The following PTPRN2 variants were observed in gnomAD, a reference collection of about 807,000 sequenced individuals.
PTPRN2 encodes receptor-type tyrosine-protein phosphatase N2.
Under a neutral mutation model 118.8 loss-of-function variants are expected in PTPRN2, and 74 were observed. That is an observed-to-expected ratio of 0.62 (90% CI 0.52 to 0.76). The LOEUF (loss-of-function observed/expected upper bound fraction) is 0.76. Ranked by LOEUF, PTPRN2 falls within the 30% of genes least tolerant of loss-of-function variation. The pLI, the probability that PTPRN2 is intolerant of heterozygous loss-of-function variation, is 0.00. For missense variants in PTPRN2, 1,481 were observed against 1,394.4 expected (o/e 1.06, Z -0.99); for synonymous variants, 641 against 608.0 (o/e 1.05, Z -0.80).
chr7:157,905,103 G>A (rs1226923789), intron 11 of PTPRN2, among the ~76,000 whole-genome samples: 1 of 152,200 alleles, frequency 6.6e-6, no homozygotes, highest in Non-Finnish European at 1.5e-5. Flanking sequence ...GCACTGGGGA[G>A]CCCGCCGTCC....
At chr7:157,642,005 C>A (rs983862128) in intron 14 of PTPRN2, among the ~76,000 whole-genome samples, 2 of 152,174 alleles carry the variant, frequency 1.3e-5, no homozygotes, top group African/African-American at 4.8e-5. Flanking sequence ...CTGCATGCCA[C>A]CTGCCCAACA....
chr7:158,430,754 A>T (rs919583748), intron 2 of PTPRN2, among the ~76,000 whole-genome samples: 1 of 152,220 alleles, frequency 6.6e-6, no homozygotes, highest in African/African-American at 2.4e-5. Context: ...CAGCACAGAC[A>T]CAACTCCCAT....
intron 3 of PTPRN2, among the ~76,000 whole-genome samples, chr7:158,271,113 G>C (rs963162763): frequency 1.4e-5 from 2 of 147,920 alleles, no homozygotes; most frequent in African/African-American, 5.0e-5. Flanking sequence ...CCTCCACCTG[G>C]ACCACCCCCT....
At chr7:158,155,698 T>C (rs1473709083) in intron 6 of PTPRN2, among the ~76,000 whole-genome samples, 1 of 131,606 alleles carries the variant, frequency 7.6e-6, no homozygotes, top group South Asian at 2.5e-4. Context: ...CCATCAGCAC[T>C]ATCATCACCG....
chr7:158,024,619 C>CAGG (rs563531348), intron 11 of PTPRN2, among the ~76,000 whole-genome samples: 1 of 152,312 alleles, frequency 6.6e-6, no homozygotes, highest in South Asian at 2.1e-4. Flanking sequence ...AGACGACCAC[C>CAGG]AGGATGTGGC....
At position 158,199,320 on chromosome 7, in the gene PTPRN2, G is replaced by A. The variant is rs144596165; in HGVS notation, c.380+5851C>T. ...AGGTGCGAGCTCTGTTCCTCACACT[G>A]GGCACTCATACCTACTGCTTTGCTG... On this transcript the variant is annotated intron_variant, in intron 4 of 22. Transcript: ENST00000389418. Among the ~76,000 whole-genome samples the A allele has an allele frequency of 4.2e-3, 645 of 152,212 alleles. 4 individuals carry two copies. Among genetic ancestry groups the A allele is most frequent in the African/African-American group, 0.015 (619 of 41,538 alleles).
rs1796919767 is a variant in PTPRN2, at chr7:157,893,362, C to G, written c.1788+5311G>C. Reference sequence around the variant, plus strand: ...GTGCAGGTGAGCTCCTGCCTCTGCCCTCAGCCCCCACGGTCCCCCGCAGTC... The same window carrying G: ...GTGCAGGTGAGCTCCTGCCTCTGCCGTCAGCCCCCACGGTCCCCCGCAGTC... On this transcript the variant is annotated intron_variant, in intron 12 of 22. Transcript: ENST00000389418. The surrounding 1 kb of genome is among the most constrained non-coding windows in gnomAD (Gnocchi z 4.0). 6.6e-6 allele frequency among the ~76,000 whole-genome samples: 1 copy of G among 152,216 alleles called. No individual in the cohort carries two copies. The highest frequency in any genetic ancestry group is 1.5e-5 in the Non-Finnish European group (1 of 68,030).
chr7:158,067,840 C>T (rs1315468334), intron 11 of PTPRN2, among the ~76,000 whole-genome samples: 1 of 151,164 alleles, frequency 6.6e-6, no homozygotes, highest in East Asian at 2.0e-4. Flanking sequence ...CTGGGTCACG[C>T]TGGGCCATGG....
At chr7:157,769,894 C>T (rs989605620) in intron 12 of PTPRN2, among the ~76,000 whole-genome samples, 2 of 152,242 alleles carry the variant, frequency 1.3e-5, no homozygotes, top group Non-Finnish European at 2.9e-5. Flanking sequence ...TTATTCTTCC[C>T]AAGACCCGGC....
intron 1 of PTPRN2, among the ~76,000 whole-genome samples, chr7:158,571,769 C>A (rs1828058949): frequency 6.6e-6 from 1 of 152,054 alleles, no homozygotes; most frequent in African/African-American, 2.4e-5. Flanking sequence ...AAATAAAAAC[C>A]AATTTCATTG....
chr7:157,886,253 C>A (rs928648917), intron 12 of PTPRN2, among the ~76,000 whole-genome samples: 1 of 152,128 alleles, frequency 6.6e-6, no homozygotes, highest in Admixed American at 6.5e-5. Context: ...GTTTCTTCAG[C>A]GGGAGACATC....
rs113840268 is a variant in PTPRN2, at chr7:158,383,825, C to T, written c.164-66893G>A. Among the ~76,000 whole-genome samples, 387 of 152,314 alleles carry T rather than the reference C, an allele frequency of 2.5e-3. 1 individual carries two copies. The highest frequency in any genetic ancestry group is 8.7e-3 in the African/African-American group (362 of 41,576). On this transcript the variant is annotated intron_variant, in intron 2 of 22. Coordinates refer to ENST00000389418, the MANE Select transcript of PTPRN2 (RefSeq NM_002847.5). ...GGCACACAGTAGCAGCAAACAACTA[C>T]GGCCAGTTTGTGATGTTAATGACTT...
intron 11 of PTPRN2, among the ~76,000 whole-genome samples, chr7:157,978,192 G>C (rs1405998981): frequency 6.6e-6 from 1 of 151,986 alleles, no homozygotes; most frequent in African/African-American, 2.4e-5. Context: ...GGCTCCTCTG[G>C]CACAGGGCTG....
Position 157,604,009 on chromosome 7 carries a change from C to A in PTPRN2, c.2411G>T (p.Ser804Ile), listed in dbSNP as rs1195832781. 6.2e-7 allele frequency: 1 copy of A among 1,613,946 alleles called. No homozygotes were observed. The change falls in exon 16 of 23, where the codon AGC becomes ATC. Residue 804 changes from serine to isoleucine, a missense_variant. Ser to Ile is a moderately radical substitution (Grantham distance 142). This residue lies in a region of PTPRN2 where 362 missense variants were observed against 384.1 expected (regional missense o/e 0.94). Transcript: ENST00000389418. ...TCCCGGCAGTGCACTTACGATGGGG[C>A]TAGCGTTGATGTAGTCTGAGTGGCT... ...SHSHSDYINASPIMDHDPRNP... is the reference protein window; with the variant it reads ...SHSHSDYINAIPIMDHDPRNP...
At chr7:158,414,891 G>C (rs1430385091) in intron 2 of PTPRN2, among the ~76,000 whole-genome samples, 2 of 152,228 alleles carry the variant, frequency 1.3e-5, no homozygotes, top group African/African-American at 2.4e-5. Context: ...AGGAGGGGCG[G>C]GGGAAGGTAC....
intron 11 of PTPRN2, among the ~76,000 whole-genome samples, chr7:157,909,459 C>T (rs566540181): frequency 6.6e-6 from 1 of 152,374 alleles, no homozygotes; most frequent in South Asian, 2.1e-4. Context: ...GCGCATCTCA[C>T]CCACAGTGAG....
chr7:157,613,679 C>G (rs1414281053), intron 15 of PTPRN2, among the ~76,000 whole-genome samples: 1 of 152,244 alleles, frequency 6.6e-6, no homozygotes, highest in Non-Finnish European at 1.5e-5. Context: ...CAGGGACCCT[C>G]TCCCGACACC....
At chr7:157,641,803 G>A (rs1031460593) in intron 14 of PTPRN2, among the ~76,000 whole-genome samples, 1 of 152,062 alleles carries the variant, frequency 6.6e-6, no homozygotes, top group Admixed American at 6.5e-5. Flanking sequence ...TCGACTTTTC[G>A]GGTTCAAGAA....
At position 157,568,918 on chromosome 7, in the gene PTPRN2, G is replaced by A. The variant is rs1799621817; in HGVS notation, c.2886C>T (p.Leu962=). The A allele has an allele frequency of 6.4e-7, 1 of 1,572,246 alleles. No homozygotes were observed. The highest frequency in any genetic ancestry group is 8.8e-7 in the Non-Finnish European group (1 of 1,142,044). Residue 962 remains leucine, a synonymous_variant, in exon 21 of 23, where the codon CTC becomes CTT. Transcript: ENST00000389418. The part of the protein sequence containing the change: ...SGTYVLIDMV[L]NKMAKGAKEI... Reference sequence around the variant, plus strand: ...GTGTCTCACCTTTGGCCATCTTGTTGAGAACCATGTCGATCAGGACGTAGG... The same window carrying A: ...GTGTCTCACCTTTGGCCATCTTGTTAAGAACCATGTCGATCAGGACGTAGG...
Sources: gnomAD v4.1 joint callset for allele counts (sites outside exome capture counted in the v4.1 genomes callset) on GRCh38, gnomAD v4.1.1 for gene constraint, gnomAD v4.1.1 regional missense constraint, Gnocchi (gnomAD v3.1) non-coding constraint, MANE v1.5 for transcripts, NCBI Gene and HGNC (gene_info 2026-07-23, HGNC 2026-07-21) for gene names.